Variants in SBSPON observed in about 807,000 individuals in gnomAD.
SBSPON encodes somatomedin-B and thrombospondin type-1 domain-containing protein.
A neutral mutation model predicts 35.8 loss-of-function variants in SBSPON; 30 were observed. The ratio of observed to expected loss-of-function variants is 0.84; its 90% CI spans 0.63 to 1.14. SBSPON has a LOEUF of 1.14. SBSPON is among the 50% of genes most tolerant of loss of function. The pLI, the probability that SBSPON is intolerant of heterozygous loss-of-function variation, is 0.00. For synonymous variants in SBSPON, 136 were observed against 135.9 expected (o/e 1.00, Z 0.00); for missense variants, 364 against 357.7 (o/e 1.02, Z -0.14).
rs1262373022 is a variant in SBSPON at position 73,067,013 on chromosome 8, T to C, written c.*328A>G. 2 of 197,096 alleles carry C rather than the reference T, an allele frequency of 1.0e-5. No homozygotes were observed. Among genetic ancestry groups the C allele is most frequent in the African/African-American group, 2.3e-5 (1 of 43,152 alleles). 12.2% of individuals were successfully genotyped at this position (197,096 alleles called of 1,614,324 possible). A position where few individuals can be genotyped will look rare whatever the true frequency, so the allele number is the denominator to read the frequency against. On this transcript the variant is annotated 3_prime_UTR_variant, in exon 5 of 5. Transcript: ENST00000297354. ...TAAATGACACTTCCGTCACCAATAA[T>C]CGGACTGAGTTACAGTAATTTTACT...
chr8:73,089,515 C>G (rs1400555723), intron 1 of SBSPON, among the ~76,000 whole-genome samples: 1 of 147,878 alleles, frequency 6.8e-6, no homozygotes, highest in Non-Finnish European at 1.5e-5. Context: ...AAGATCACGC[C>G]AGTGTACTCC....
chr8:73,075,630 A>C (rs1454290089), intron 2 of SBSPON: 1 of 166,104 alleles, frequency 6.0e-6, no homozygotes, highest in Non-Finnish European at 1.2e-5. Flanking sequence ...TTCTAAAAGC[A>C]GGGCATTGCA....
intron 1 of SBSPON, among the ~76,000 whole-genome samples, chr8:73,083,413 A>G (rs1339492946): frequency 6.6e-6 from 1 of 152,252 alleles, no homozygotes; most frequent in East Asian, 1.9e-4. Flanking sequence ...AAATAAATTA[A>G]GAAGTATTTA....
At chr8:73,071,492 G>T (rs1162556017) in intron 3 of SBSPON, among the ~76,000 whole-genome samples, 1 of 152,162 alleles carries the variant, frequency 6.6e-6, no homozygotes, top group East Asian at 1.9e-4. Flanking sequence ...GACTGTAAGA[G>T]AAGCATCCTT....
At chr8:73,074,017 G>A (rs780851843) in intron 2 of SBSPON, among the ~76,000 whole-genome samples, 22 of 152,168 alleles carry the variant, frequency 1.4e-4, no homozygotes, top group Non-Finnish European at 8.8e-5. Context: ...CTGTTTCTCT[G>A]AGACCTAATT....
At chr8:73,092,175 C>A (rs1466922625) in intron 1 of SBSPON, among the ~76,000 whole-genome samples, 1 of 152,164 alleles carries the variant, frequency 6.6e-6, no homozygotes, top group Admixed American at 6.5e-5. Flanking sequence ...TAAAGGAAAA[C>A]CAGCAAGATT....
At chr8:73,075,493 A>C (rs1425071976) in intron 2 of SBSPON, among the ~76,000 whole-genome samples, 1 of 152,232 alleles carries the variant, frequency 6.6e-6, no homozygotes, top group Admixed American at 6.5e-5. Flanking sequence ...AAAGGCCCCC[A>C]ATAAATCTAA....
chr8:73,074,519 AT>A (rs1185044457), intron 2 of SBSPON: 1 of 911,286 alleles, frequency 1.1e-6, no homozygotes, highest in Non-Finnish European at 1.3e-6. Flanking sequence ...TAAGGCTCAC[AT>A]CTAAATATAG....
intron 2 of SBSPON, among the ~76,000 whole-genome samples, chr8:73,077,651 T>C (rs559421789): frequency 6.6e-6 from 1 of 152,348 alleles, no homozygotes; most frequent in East Asian, 1.9e-4. Flanking sequence ...AAGTGAATGC[T>C]TAGTGCGTGG....
At chr8:73,075,087 C>T (rs1411734238) in intron 2 of SBSPON, among the ~76,000 whole-genome samples, 1 of 152,186 alleles carries the variant, frequency 6.6e-6, no homozygotes, top group Non-Finnish European at 1.5e-5. Context: ...ACTCTGTTTT[C>T]CAGGCTGGTC....
At chr8:73,078,925 T>C (rs976509562) in intron 2 of SBSPON, among the ~76,000 whole-genome samples, 2 of 152,052 alleles carry the variant, frequency 1.3e-5, no homozygotes, top group Non-Finnish European at 2.9e-5. Flanking sequence ...GAATCCCAAA[T>C]AGGGTGTTCT....
At position 73,065,378 on chromosome 8, in the gene SBSPON, T is replaced by G. The variant is rs1409674992; in HGVS notation, c.*1963A>C. 2.6e-5 allele frequency: 4 copies of G among 152,158 alleles called. No homozygotes were observed. Among genetic ancestry groups the G allele is most frequent in the African/African-American group, 9.7e-5 (4 of 41,436 alleles). 9.4% of individuals were successfully genotyped at this position (152,158 alleles called of 1,614,324 possible). On this transcript the variant is annotated 3_prime_UTR_variant, in exon 5 of 5. Coordinates refer to ENST00000297354, the MANE Select transcript of SBSPON (RefSeq NM_153225.4). ...TTTTTTGTTTTATTTTTGGTGAAATTTTATCATTCTCTGACTGGTCCAGAA... is the reference window on the plus strand; with the variant it reads ...TTTTTTGTTTTATTTTTGGTGAAATGTTATCATTCTCTGACTGGTCCAGAA...
chr8:73,090,420 G>A (rs1810908621), intron 1 of SBSPON, among the ~76,000 whole-genome samples: 2 of 152,260 alleles, frequency 1.3e-5, no homozygotes, highest in Non-Finnish European at 2.9e-5. Flanking sequence ...GCTTCCAGCT[G>A]CCAGGTCAGC....
rs1810404196 is a variant in SBSPON, at chr8:73,067,175, C to G, written c.*166G>C. 1 of 518,896 alleles carries G rather than the reference C, an allele frequency of 1.9e-6. No individual in the cohort carries two copies. The highest frequency in any genetic ancestry group is 3.5e-6 in the Non-Finnish European group (1 of 288,466). The allele number at this position is 518,896 out of a possible 1,614,324, so 32.1% of individuals were successfully genotyped here. Reference sequence around the variant, plus strand: ...CTTAGTTAAAATAAAAATAAAGGACCTGTGTTCCTTGAGAACTGGCCCCTA... The same window carrying G: ...CTTAGTTAAAATAAAAATAAAGGACGTGTGTTCCTTGAGAACTGGCCCCTA... On this transcript the variant is annotated 3_prime_UTR_variant, in exon 5 of 5. Transcript: ENST00000297354.
At chr8:73,091,247 C>A (rs1810926799) in intron 1 of SBSPON, among the ~76,000 whole-genome samples, 1 of 152,250 alleles carries the variant, frequency 6.6e-6, no homozygotes, top group Non-Finnish European at 1.5e-5. Flanking sequence ...TCTCCAGGCC[C>A]AGGCTCGCCC....
chr8:73,082,316 A>C (rs1335976155), intron 1 of SBSPON, among the ~76,000 whole-genome samples: 2 of 152,232 alleles, frequency 1.3e-5, no homozygotes, highest in East Asian at 3.8e-4. Flanking sequence ...CTAGATGCCA[A>C]ACATTTTTTT....
chr8:73,074,370 C>T (rs562357418), intron 2 of SBSPON: 1 of 153,646 alleles, frequency 6.5e-6, no homozygotes, highest in Non-Finnish European at 1.4e-5. Context: ...ATACGCACTT[C>T]TAAGTTTCCA....
In SBSPON at chr8:73,093,029, C is replaced by T; in HGVS notation, c.39G>A (p.Arg13=). Residue 13 remains arginine, a synonymous_variant, in exon 1 of 5, where the codon CGG becomes CGA. Coordinates refer to ENST00000297354, the MANE Select transcript of SBSPON (RefSeq NM_153225.4). ...TLWMALCALS[R]LWPGAQAGCA... is the part of the protein sequence containing the mutation. ...AGCCGGCCTGGGCCCCGGGCCACAG[C>T]CGCGACAGCGCGCACAGCGCCATCC... The T allele has an allele frequency of 7.2e-7, 1 of 1,392,280 alleles. No individual in the cohort carries two copies. Among genetic ancestry groups the T allele is most frequent in the African/African-American group, 1.5e-5 (1 of 64,970 alleles). The allele number at this position is 1,392,280 out of a possible 1,614,324, so 86.2% of individuals were successfully genotyped here.
Position 73,066,523 on chromosome 8 carries a change from C to T in SBSPON, c.*818G>A, listed in dbSNP as rs1454552649. 6.6e-6 allele frequency: 1 copy of T among 152,146 alleles called. No homozygotes were observed. Among genetic ancestry groups the T allele is most frequent in the Non-Finnish European group, 1.5e-5 (1 of 68,032 alleles). 9.4% of individuals were successfully genotyped at this position (152,146 alleles called of 1,614,324 possible). A position where few individuals can be genotyped will look rare whatever the true frequency, so the allele number is the denominator to read the frequency against. On this transcript the variant is annotated 3_prime_UTR_variant, in exon 5 of 5. Coordinates refer to ENST00000297354, the MANE Select transcript of SBSPON (RefSeq NM_153225.4). ...AAATAGTGAGCTTACATCAACTAAA[C>T]TTGAAGCTGGACTCTGAAAGATTAT...
Sources: allele counts gnomAD v4.1 joint callset (sites outside exome capture counted in the v4.1 genomes callset), GRCh38; gene constraint gnomAD v4.1.1; transcripts MANE v1.5; gene names NCBI Gene and HGNC (gene_info 2026-07-23, HGNC 2026-07-21).